DNAJB14: variants seen among roughly 807,000 people sequenced by gnomAD.
DNAJB14 encodes the protein DnaJ heat shock protein family (Hsp40) member B14.
Under a neutral mutation model 48.4 loss-of-function variants are expected in DNAJB14, and 22 were observed. That is an observed-to-expected ratio of 0.45 (90% CI 0.32 to 0.65). DNAJB14 has a LOEUF of 0.65. DNAJB14 is among the 30% of genes least tolerant of loss of function. The pLI is 0.03. For missense variants in DNAJB14, 319 were observed against 458.8 expected (o/e 0.70, Z 2.78); for synonymous variants, 142 against 158.7 (o/e 0.89, Z 0.79).
chr4:99,928,589 C>A (rs1335055105), intron 2 of DNAJB14: 2 of 451,178 alleles, frequency 4.4e-6, no homozygotes, highest in East Asian at 7.0e-5. Flanking sequence ...TCTACCACAC[C>A]TTGGACTACT....
intron 1 of DNAJB14, among the ~76,000 whole-genome samples, chr4:99,937,694 C>T (rs1253594133): frequency 1.3e-5 from 2 of 152,044 alleles, no homozygotes; most frequent in African/African-American, 4.8e-5. Context: ...CCACTACACT[C>T]CAGTCTGGGT....
At chr4:99,945,881 T>C (rs1450521984) in intron 1 of DNAJB14, among the ~76,000 whole-genome samples, 1 of 152,214 alleles carries the variant, frequency 6.6e-6, no homozygotes, top group Non-Finnish European at 1.5e-5. Flanking sequence ...CTCTTGACCA[T>C]TCTTGCCGAA....
intron 1 of DNAJB14, among the ~76,000 whole-genome samples, chr4:99,935,254 G>C (rs896402325): frequency 2.0e-5 from 3 of 152,070 alleles, no homozygotes. Context: ...ACTTATAAAG[G>C]AGAGGAAATT....
intron 7 of DNAJB14, among the ~76,000 whole-genome samples, chr4:99,902,530 G>A (rs1356508210): frequency 6.6e-6 from 1 of 152,116 alleles, no homozygotes; most frequent in Non-Finnish European, 1.5e-5. Context: ...ATCTCTAACT[G>A]CCACTAAATA....
At chr4:99,909,060 T>C (rs1207816212) in intron 3 of DNAJB14, among the ~76,000 whole-genome samples, 164 bp from the exon 4 acceptor site, 1 of 152,074 alleles carries the variant, frequency 6.6e-6, no homozygotes, top group Non-Finnish European at 1.5e-5. Context: ...CAATTACATA[T>C]ATTATCTCTC....
At chr4:99,905,533 TA>T (rs1725432097) in intron 6 of DNAJB14, 63 bp downstream of exon 6, 26 of 1,295,500 alleles carry the variant, frequency 2.0e-5, no homozygotes, top group Non-Finnish European at 2.8e-5. Context: ...ACAAGCTCTT[TA>T]AAGGAAGCTA....
chr4:99,912,285 C>T (rs1049159011), intron 3 of DNAJB14, among the ~76,000 whole-genome samples: 2 of 152,180 alleles, frequency 1.3e-5, no homozygotes, highest in Admixed American at 6.5e-5. Context: ...TTTATCTATA[C>T]AGTAAATCCT....
intron 3 of DNAJB14, among the ~76,000 whole-genome samples, chr4:99,914,030 AG>A: frequency 6.6e-6 from 1 of 152,268 alleles, no homozygotes; most frequent in Middle Eastern, 3.4e-3. Context: ...GGAAAACCTG[AG>A]GGGTGTCCTG....
chr4:99,897,858 T>C lies in DNAJB14; in HGVS notation c.*3170A>G, dbSNP rs1345599112. ...GGAAGCTCAAGAAATGTACAAATTCTCTTCTTAACCATTTGGTCCTCTGAT... is the reference window on the plus strand; with the variant it reads ...GGAAGCTCAAGAAATGTACAAATTCCCTTCTTAACCATTTGGTCCTCTGAT... On this transcript the variant is annotated 3_prime_UTR_variant, in exon 8 of 8. Coordinates refer to ENST00000442697, the MANE Select transcript of DNAJB14 (RefSeq NM_001031723.4). 5 of 152,012 alleles carry C rather than the reference T, an allele frequency of 3.3e-5. No individual in the cohort carries two copies. Among genetic ancestry groups the C allele is most frequent in the African/African-American group, 1.2e-4 (5 of 41,406 alleles). The allele number at this position is 152,012 out of a possible 1,614,324, so 9.4% of individuals were successfully genotyped here.
rs761535264 is a variant in DNAJB14, at chr4:99,905,642, C to T, written c.797G>A (p.Ser266Asn). Residue 266 changes from serine to asparagine, a missense_variant, in exon 6 of 8, where the codon AGC becomes AAC. Ser to Asn is a conservative substitution (Grantham distance 46, BLOSUM62 1). Around this residue, in one of 3 missense-constraint regions of DNAJB14, gnomAD observed 166 missense variants for 236.3 expected, o/e 0.70. Coordinates refer to ENST00000442697, the MANE Select transcript of DNAJB14 (RefSeq NM_001031723.4). ...IIVLILVSLL[S>N]QLMVSNPPYS... ...AGGAGGATTAGAGACCATCAACTGG[C>T]TTAATAATGACACGAGGATCAATAC... 6.2e-7 allele frequency: 1 copy of T among 1,612,052 alleles called. No individual in the cohort carries two copies. Among genetic ancestry groups the T allele is most frequent in the Non-Finnish European group, 8.5e-7 (1 of 1,179,506 alleles).
At chr4:99,934,008 A>T (rs1726577254) in intron 1 of DNAJB14, among the ~76,000 whole-genome samples, 2 of 152,222 alleles carry the variant, frequency 1.3e-5, no homozygotes, top group Admixed American at 6.5e-5. Flanking sequence ...ACACAAGTGC[A>T]CGGGTCCACA....
intron 1 of DNAJB14, among the ~76,000 whole-genome samples, chr4:99,943,357 C>A (rs1008364719): frequency 5.9e-5 from 9 of 152,164 alleles, no homozygotes; most frequent in African/African-American, 2.2e-4. Context: ...TTCCAACATT[C>A]ATGTCCTTAA....
rs141101749 is a variant in DNAJB14 at position 99,922,197 on chromosome 4, G to GT, written c.451+842dup. ...GCAACTTCCTTCAAGAAATAAAACTGTTTTGGAAACAATCTTAACGGTATT... is the reference window on the plus strand; with the variant it reads ...GCAACTTCCTTCAAGAAATAAAACTGTTTTTGGAAACAATCTTAACGGTATT... On this transcript the variant is annotated intron_variant, in intron 3 of 7. Coordinates refer to ENST00000442697, the MANE Select transcript of DNAJB14 (RefSeq NM_001031723.4). 1.9e-3 allele frequency among the ~76,000 whole-genome samples: 289 copies of GT among 152,236 alleles called. 1 individual carries two copies. Among genetic ancestry groups the GT allele is most frequent in the African/African-American group, 6.1e-3 (253 of 41,552 alleles).
chr4:99,936,661 G>T (rs1368675486), intron 1 of DNAJB14, among the ~76,000 whole-genome samples: 1 of 152,184 alleles, frequency 6.6e-6, no homozygotes. Flanking sequence ...ATGTGAGCCT[G>T]AAATTTTTTT....
At chr4:99,942,490 A>AT (rs1421987005) in intron 1 of DNAJB14, 1 of 152,010 alleles carries the variant, frequency 6.6e-6, no homozygotes, top group African/African-American at 2.4e-5. Flanking sequence ...GCTTACTGAC[A>AT]TTTTTTCTAG....
chr4:99,899,360 A>G lies in DNAJB14; in HGVS notation c.*1668T>C, dbSNP rs1725222558. On this transcript the variant is annotated 3_prime_UTR_variant, in exon 8 of 8. Transcript: ENST00000442697. ...TAAAAACTTACTCTGCAGGCTCAAC[A>G]AAATAATTAAAATTGTATTTTCTCT... 6.6e-6 allele frequency: 1 copy of G among 152,138 alleles called. No individual in the cohort carries two copies. Among genetic ancestry groups the G allele is most frequent in the African/African-American group, 2.4e-5 (1 of 41,396 alleles). 9.4% of individuals were successfully genotyped at this position (152,138 alleles called of 1,614,324 possible).
rs1180728459 is a variant in DNAJB14 at position 99,928,855 on chromosome 4, G to A, written c.305+1595C>T. On this transcript the variant is annotated intron_variant, in intron 2 of 7. Transcript: ENST00000442697. Reference sequence around the variant, plus strand: ...GCAAATACAATTTGTTTTAGGATGTGGTTTCCAGAAACGTGTTTCAAGCAC... The same window carrying A: ...GCAAATACAATTTGTTTTAGGATGTAGTTTCCAGAAACGTGTTTCAAGCAC... The A allele has an allele frequency of 3.3e-5, 5 of 153,532 alleles. No homozygotes were observed. In the East Asian group the frequency reaches 9.5e-4, roughly 29 times the overall value. The allele number at this position is 153,532 out of a possible 1,614,324, so 9.5% of individuals were successfully genotyped here.
At chr4:99,923,999 T>C in intron 2 of DNAJB14, 1 of 404,650 alleles carries the variant, frequency 2.5e-6, no homozygotes, top group Non-Finnish European at 3.3e-6. Context: ...CCTTAAAGAT[T>C]TAAGAGATTT....
intron 5 of DNAJB14, chr4:99,905,989 C>T: frequency 3.1e-6 from 4 of 1,288,254 alleles, no homozygotes; most frequent in Non-Finnish European, 4.0e-6. Flanking sequence ...CTCCCCCCCA[C>T]ACACAGAGAC....
Sources: gnomAD v4.1 joint callset for allele counts (sites outside exome capture counted in the v4.1 genomes callset) on GRCh38, gnomAD v4.1.1 for gene constraint, gnomAD v4.1.1 regional missense constraint, MANE v1.5 for transcripts, NCBI Gene and HGNC (gene_info 2026-07-23, HGNC 2026-07-21) for gene names.